The following ZBTB8A variants were observed in gnomAD, a reference collection of about 807,000 sequenced individuals.
ZBTB8A encodes zinc finger and BTB domain-containing protein 8A.
In ZBTB8A, 19 loss-of-function variants were observed where a neutral mutation model predicts 37.8. The ratio of observed to expected loss-of-function variants is 0.50; its 90% CI spans 0.35 to 0.74. The LOEUF (loss-of-function observed/expected upper bound fraction) is 0.74. ZBTB8A is among the 30% of genes least tolerant of loss of function. The pLI is 0.01. For synonymous variants in ZBTB8A, 181 were observed against 185.2 expected, an observed-to-expected ratio of 0.98 and a Z score of 0.19; for missense variants, 394 against 537.8, an observed-to-expected ratio of 0.73 and a Z score of 2.65.
chr1:32,566,589 C>T (rs1359198288), intron 2 of ZBTB8A, among the ~76,000 whole-genome samples: 5 of 152,118 alleles, frequency 3.3e-5, no homozygotes, highest in African/African-American at 9.7e-5. Flanking sequence ...CACATAATTG[C>T]CTTTCAGTAT....
Position 32,603,477 on chromosome 1 carries a change from G to A in ZBTB8A, c.*3058G>A, listed in dbSNP as rs1319494279. The A allele has an allele frequency of 1.3e-5, 2 of 152,268 alleles. No individual in the cohort carries two copies. Among genetic ancestry groups the A allele is most frequent in the Middle Eastern group, 3.2e-3 (1 of 316 alleles). The allele number at this position is 152,268 out of a possible 1,614,324, so 9.4% of individuals were successfully genotyped here. A position where few individuals can be genotyped will look rare whatever the true frequency, so the allele number is the denominator to read the frequency against. On this transcript the variant is annotated 3_prime_UTR_variant, in exon 5 of 5. Coordinates refer to ENST00000373510, the MANE Select transcript of ZBTB8A (RefSeq NM_001040441.3). ...AGTGTATCTGAATGAGGAAGGAAACGCTTGTCATTCTCTAGTCTTACCCAA... is the reference window on the plus strand; with the variant it reads ...AGTGTATCTGAATGAGGAAGGAAACACTTGTCATTCTCTAGTCTTACCCAA...
intron 1 of ZBTB8A, among the ~76,000 whole-genome samples, chr1:32,540,718 G>C (rs1245264329): frequency 6.6e-6 from 1 of 152,182 alleles, no homozygotes; most frequent in Non-Finnish European, 1.5e-5. Context: ...TTCTGCTCCA[G>C]TCTTATCTCC....
rs1644574903 is a variant in ZBTB8A, at chr1:32,601,407, GA to G, written c.*990del. On this transcript the variant is annotated 3_prime_UTR_variant, in exon 5 of 5. Transcript: ENST00000373510. ...GAGAATCGATTGAACCTGGAAGGCA[GA>G]AGTTGCAGTGAGCCGAGATCACACC... 2.9e-6 allele frequency: 1 copy of G among 341,904 alleles called. No individual in the cohort carries two copies. Among genetic ancestry groups the G allele is most frequent in the African/African-American group, 2.1e-5 (1 of 47,118 alleles). The allele number at this position is 341,904 out of a possible 1,614,324, so 21.2% of individuals were successfully genotyped here.
chr1:32,569,498 A>G (rs1004736679), intron 2 of ZBTB8A, among the ~76,000 whole-genome samples: 13 of 141,030 alleles, frequency 9.2e-5, no homozygotes, highest in African/African-American at 3.5e-4. Context: ...AGTTCACGCC[A>G]TTCTCCTGCC....
At chr1:32,589,907 A>G (rs909890146) in intron 2 of ZBTB8A, among the ~76,000 whole-genome samples, 3 of 151,804 alleles carry the variant, frequency 2.0e-5, no homozygotes, top group African/African-American at 7.3e-5. Flanking sequence ...AATATTGGTA[A>G]TTATCCACTT....
chr1:32,548,896 G>A (rs1644128136), intron 1 of ZBTB8A, among the ~76,000 whole-genome samples: 1 of 152,046 alleles, frequency 6.6e-6, no homozygotes, highest in Non-Finnish European at 1.5e-5. Flanking sequence ...TTGATAAAAA[G>A]AAATACCTGG....
At chr1:32,567,996 G>C (rs1203309178) in intron 2 of ZBTB8A, among the ~76,000 whole-genome samples, 1 of 151,158 alleles carries the variant, frequency 6.6e-6, no homozygotes, top group Non-Finnish European at 1.5e-5. Context: ...AAAAAAATTA[G>C]CCAAGTGTGG....
At position 32,569,114 on chromosome 1, in the gene ZBTB8A, C is replaced by T. The variant is rs141985770; in HGVS notation, c.-2+15574C>T. On this transcript the variant is annotated intron_variant, in intron 2 of 4. Coordinates refer to ENST00000373510, the MANE Select transcript of ZBTB8A (RefSeq NM_001040441.3). ...GAGAACCAACTTCTCCACATCCTTG[C>T]CAACATTTGGTATTGTCAGTCATTT... Among the ~76,000 whole-genome samples the T allele has an allele frequency of 4.3e-4, 65 of 152,264 alleles. 1 individual carries two copies. The highest frequency in any genetic ancestry group is 3.4e-3 in the Middle Eastern group (1 of 294).
At chr1:32,596,535 C>T (rs191391429) in intron 4 of ZBTB8A, among the ~76,000 whole-genome samples, 1 of 151,762 alleles carries the variant, frequency 6.6e-6, no homozygotes, top group East Asian at 1.9e-4. Flanking sequence ...GAGCTGAGAT[C>T]GCGCCACTGC....
At chr1:32,592,197 G>A (rs766272395) in intron 2 of ZBTB8A, among the ~76,000 whole-genome samples, 5 of 152,060 alleles carry the variant, frequency 3.3e-5, no homozygotes, top group South Asian at 2.1e-4. Context: ...GTGTCTTGGC[G>A]ATTATATTCT....
intron 2 of ZBTB8A, among the ~76,000 whole-genome samples, chr1:32,573,221 C>A (rs1644335278): frequency 6.6e-6 from 1 of 150,636 alleles, no homozygotes; most frequent in African/African-American, 2.4e-5. Context: ...CAGGTGCGTG[C>A]CACCACACCC....
rs184118680 is a variant in ZBTB8A, at chr1:32,601,884, G to C, written c.*1465G>C. On this transcript the variant is annotated 3_prime_UTR_variant, in exon 5 of 5. Transcript: ENST00000373510. The stretch of plus-strand genomic sequence containing the variant: ...AAGTAATGTCCCTACAGTACCTATT[G>C]GTATGTTTTTATGTCACGTTATTTA... 319 of 391,254 alleles carry C rather than the reference G, an allele frequency of 8.2e-4. 1 individual carries two copies. Among genetic ancestry groups the C allele is most frequent in the African/African-American group, 6.3e-3 (307 of 48,590 alleles). The allele number at this position is 391,254 out of a possible 1,614,324, so 24.2% of individuals were successfully genotyped here. A position where few individuals can be genotyped will look rare whatever the true frequency, so the allele number is the denominator to read the frequency against.
intron 2 of ZBTB8A, among the ~76,000 whole-genome samples, chr1:32,561,331 G>A (rs1439647267): frequency 1.3e-5 from 2 of 151,926 alleles, no homozygotes; most frequent in Non-Finnish European, 2.9e-5. Flanking sequence ...CATCACCTAC[G>A]AAGCAACGTA....
At position 32,570,665 on chromosome 1, in the gene ZBTB8A, G is replaced by A. The variant is rs111819935; in HGVS notation, c.-2+17125G>A. ...CCCTAAGCATTTTTGGTGCTCTTAC[G>A]AATGCATTGTTTAAAATTTTTATTT... On this transcript the variant is annotated intron_variant, in intron 2 of 4. Coordinates refer to ENST00000373510, the MANE Select transcript of ZBTB8A (RefSeq NM_001040441.3). 1.4e-3 allele frequency among the ~76,000 whole-genome samples: 206 copies of A among 152,098 alleles called. 2 individuals carry two copies. The highest frequency in any genetic ancestry group is 4.7e-3 in the African/African-American group (194 of 41,506).
At chr1:32,564,877 AGTCCCAC>A (rs1430434422) in intron 2 of ZBTB8A, among the ~76,000 whole-genome samples, 3 of 152,198 alleles carry the variant, frequency 2.0e-5, no homozygotes, top group Non-Finnish European at 4.4e-5. Flanking sequence ...GAGATCATAC[AGTCCCAC>A]CTCCTACCAA....
chr1:32,561,556 G>GTTTTGT (rs546495609), intron 2 of ZBTB8A, among the ~76,000 whole-genome samples: 20 of 152,074 alleles, frequency 1.3e-4, no homozygotes, highest in East Asian at 1.2e-3. Context: ...TGTGTTTGTG[G>GTTTTGT]TTTTGTTTTT....
chr1:32,565,989 C>T (rs1338224436), intron 2 of ZBTB8A, among the ~76,000 whole-genome samples: 1 of 152,018 alleles, frequency 6.6e-6, no homozygotes, highest in African/African-American at 2.4e-5. Context: ...ATCATGACGT[C>T]AGGAGATCGA....
intron 1 of ZBTB8A, among the ~76,000 whole-genome samples, chr1:32,543,645 G>A (rs570009230): frequency 8.5e-5 from 13 of 152,126 alleles, no homozygotes; most frequent in African/African-American, 3.1e-4. Flanking sequence ...AATAAAATAT[G>A]TATTTTTTAT....
At chr1:32,572,223 A>G (rs1644327684) in intron 2 of ZBTB8A, among the ~76,000 whole-genome samples, 1 of 152,162 alleles carries the variant, frequency 6.6e-6, no homozygotes, top group Non-Finnish European at 1.5e-5. Context: ...GTTTGCATAG[A>G]TGAGTATTAT....
Sources: allele counts gnomAD v4.1 joint callset (sites outside exome capture counted in the v4.1 genomes callset), GRCh38; gene constraint gnomAD v4.1.1; transcripts MANE v1.5; gene names NCBI Gene and HGNC (gene_info 2026-07-23, HGNC 2026-07-21).